ZBTB8B: variants seen among roughly 807,000 people sequenced by gnomAD.
The protein encoded by ZBTB8B is zinc finger and BTB domain-containing protein 8B.
Under a neutral mutation model 30.3 loss-of-function variants are expected in ZBTB8B, and 17 were observed. The ratio of observed to expected loss-of-function variants is 0.56; its 90% CI spans 0.38 to 0.84. ZBTB8B has a LOEUF of 0.84. ZBTB8B is among the 40% of genes least tolerant of loss of function. ZBTB8B has a pLI of 0.00. For missense variants in ZBTB8B, 515 were observed against 644.9 expected (o/e 0.80, Z 2.18); for synonymous variants, 248 against 255.6 (o/e 0.97, Z 0.28).
At position 32,472,455 on chromosome 1, in the gene ZBTB8B, G is replaced by A. The variant is rs145312774; in HGVS notation, c.991+840G>A. ...TCATCTTAGATTTCCTCTATGCTGG[G>A]AGGTCAGTTTTGTGTGGGGAGAATG... is the stretch of plus-strand genomic sequence containing the variant. On this transcript the variant is annotated intron_variant, in intron 2 of 3. Coordinates refer to ENST00000609129, the MANE Select transcript of ZBTB8B (RefSeq NM_001145720.2). 1.1e-3 allele frequency among the ~76,000 whole-genome samples: 171 copies of A among 152,298 alleles called. 1 individual carries two copies. The highest frequency in any genetic ancestry group is 3.9e-3 in the African/African-American group (164 of 41,564).
intron 3 of ZBTB8B, among the ~76,000 whole-genome samples, chr1:32,483,556 G>A (rs1643723271): frequency 6.6e-6 from 1 of 152,142 alleles, no homozygotes; most frequent in Non-Finnish European, 1.5e-5. Flanking sequence ...GAGGTGGGGG[G>A]ATGGGGGAAG....
chr1:32,485,071 G>T, intron 3 of ZBTB8B, 30 bp from the exon 4 acceptor site: 1 of 1,542,904 alleles, frequency 6.5e-7, no homozygotes, highest in South Asian at 1.2e-5. Flanking sequence ...CCTTTTCTGT[G>T]ACATCTACTG....
intron 1 of ZBTB8B, among the ~76,000 whole-genome samples, chr1:32,468,855 T>C (rs1488309316): frequency 1.0e-4 from 15 of 149,354 alleles, no homozygotes; most frequent in South Asian, 2.1e-4. Context: ...AGGGAGAATC[T>C]GTCTCAAAAA....
At position 32,471,510 on chromosome 1, in the gene ZBTB8B, G is replaced by A; in HGVS notation, c.886G>A (p.Ala296Thr). 6.4e-7 allele frequency: 1 copy of A among 1,551,838 alleles called. No individual in the cohort carries two copies. The highest frequency in any genetic ancestry group is 2.4e-5 in the East Asian group (1 of 40,928). Residue 296 changes from alanine (A) to threonine (T), a missense_variant, in exon 2 of 4, where the codon GCA becomes ACA. This residue lies in a region of ZBTB8B where 429 missense variants were observed against 504.3 expected (regional missense o/e 0.85). Transcript: ENST00000609129. ...RNSAAPSKDD[A>T]DHHFSRSLEG... Reference sequence around the variant, plus strand: ...CAGCGCTGCCCCGAGCAAGGATGATGCAGACCATCACTTTTCTAGGAGTTT... The same window carrying A: ...CAGCGCTGCCCCGAGCAAGGATGATACAGACCATCACTTTTCTAGGAGTTT...
At position 32,471,044 on chromosome 1, in the gene ZBTB8B, GGCAGCGGCGGCGGCTGCAGCGGCGGCA is replaced by G. The variant is rs930704503; in HGVS notation, c.432_458del (p.Ala145_Ala153del). Reference sequence around the variant, plus strand: ...CTGCTGTGGCTGCAGCAGTGGCGGCGGCAGCGGCGGCGGCTGCAGCGGCGGCAGCAGCGGCGGCTCATCAGGTTGACA... The same window carrying G: ...CTGCTGTGGCTGCAGCAGTGGCGGCGGCAGCGGCGGCTCATCAGGTTGACA... On this transcript the variant is annotated inframe_deletion, in exon 2 of 4. Transcript: ENST00000609129. 1.5e-5 allele frequency: 23 copies of G among 1,549,906 alleles called. No individual in the cohort carries two copies. Among genetic ancestry groups the G allele is most frequent in the African/African-American group, 4.1e-5 (3 of 72,968 alleles).
intron 2 of ZBTB8B, among the ~76,000 whole-genome samples, chr1:32,475,348 G>A (rs999120038): frequency 7.2e-5 from 11 of 152,140 alleles, no homozygotes; most frequent in African/African-American, 1.9e-4. Flanking sequence ...TTGGGAGGCC[G>A]AGGCAGGTGG....
chr1:32,478,569 G>A (rs1196919892), intron 2 of ZBTB8B, among the ~76,000 whole-genome samples: 1 of 152,156 alleles, frequency 6.6e-6, no homozygotes, highest in African/African-American at 2.4e-5. Context: ...GTACCAGTGT[G>A]AGCAGTCAGA....
chr1:32,466,098 A>G (rs1643568605), intron 1 of ZBTB8B, among the ~76,000 whole-genome samples: 1 of 152,210 alleles, frequency 6.6e-6, no homozygotes, highest in Non-Finnish European at 1.5e-5. Flanking sequence ...ACAGTGTTTT[A>G]TAAGGAATAG....
At chr1:32,474,146 C>T (rs549075299) in intron 2 of ZBTB8B, among the ~76,000 whole-genome samples, 11 of 151,756 alleles carry the variant, frequency 7.2e-5, no homozygotes, top group East Asian at 1.9e-4. Flanking sequence ...CCACTATGCC[C>T]GGCTTCAAAT....
rs760286488 is a variant in ZBTB8B at position 32,487,443 on chromosome 1, G to A, written c.*2025G>A. On this transcript the variant is annotated 3_prime_UTR_variant, in exon 4 of 4. Coordinates refer to ENST00000609129, the MANE Select transcript of ZBTB8B (RefSeq NM_001145720.2). ...CAGTTCAGTTCTGGTCAGCTAGAGGGCCACATGGTGCAGAGGTTGGATACC... is the reference window on the plus strand; with the variant it reads ...CAGTTCAGTTCTGGTCAGCTAGAGGACCACATGGTGCAGAGGTTGGATACC... 2 of 152,266 alleles carry A rather than the reference G, an allele frequency of 1.3e-5. No homozygotes were observed. The highest frequency in any genetic ancestry group is 4.8e-5 in the African/African-American group (2 of 41,464). The allele number at this position is 152,266 out of a possible 1,614,324, so 9.4% of individuals were successfully genotyped here.
In ZBTB8B at chr1:32,471,111, T is replaced by G; in HGVS notation, c.487T>G (p.Ser163Ala). 6.4e-7 allele frequency: 1 copy of G among 1,551,504 alleles called. No individual in the cohort carries two copies. Among genetic ancestry groups the G allele is most frequent in the Non-Finnish European group, 8.7e-7 (1 of 1,146,972 alleles). ...AHQVDSESPS[S>A]GREGTSCGTK... ...TCAGGTTGACAGTGAAAGCCCCAGTTCAGGCCGGGAGGGGACCTCCTGTGG... is the reference window on the plus strand; with the variant it reads ...TCAGGTTGACAGTGAAAGCCCCAGTGCAGGCCGGGAGGGGACCTCCTGTGG... The change falls in exon 2 of 4, where the codon TCA becomes GCA. Residue 163 changes from serine (S) to alanine (A), a missense_variant. Transcript: ENST00000609129.
rs1174263442 is a variant in ZBTB8B, at chr1:32,495,524, A to G, written c.*10106A>G. On this transcript the variant is annotated 3_prime_UTR_variant, in exon 4 of 4. Coordinates refer to ENST00000609129, the MANE Select transcript of ZBTB8B (RefSeq NM_001145720.2). ...TTTTGATTTATATACAGTCAGATTGAAACACCCTAGTTACAAGTTTAGAAT... is the reference window on the plus strand; with the variant it reads ...TTTTGATTTATATACAGTCAGATTGGAACACCCTAGTTACAAGTTTAGAAT... 6.6e-6 allele frequency: 1 copy of G among 152,210 alleles called. No individual in the cohort carries two copies. The highest frequency in any genetic ancestry group is 2.4e-5 in the African/African-American group (1 of 41,442). The allele number at this position is 152,210 out of a possible 1,614,324, so 9.4% of individuals were successfully genotyped here.
intron 3 of ZBTB8B, among the ~76,000 whole-genome samples, chr1:32,482,150 T>C (rs1643710134): frequency 6.6e-6 from 1 of 151,884 alleles, no homozygotes; most frequent in Admixed American, 6.6e-5. Flanking sequence ...GCTAACGTGT[T>C]TTTTTGTTGT....
intron 1 of ZBTB8B, among the ~76,000 whole-genome samples, chr1:32,467,329 GCCTCCA>G (rs1643579084): frequency 1.4e-5 from 2 of 146,016 alleles, no homozygotes; most frequent in Admixed American, 1.4e-4. Context: ...TGCAGCCTCC[GCCTCCA>G]CCGCCTCCTG....
intron 1 of ZBTB8B, 135 bp from the exon 2 acceptor site, chr1:32,470,448 CG>C: frequency 1.2e-6 from 1 of 806,450 alleles, no homozygotes; most frequent in Non-Finnish European, 1.8e-6. Context: ...TGCAGTGAGC[CG>C]AGATTGCGCC....
Position 32,486,635 on chromosome 1 carries a change from A to G in ZBTB8B, c.*1217A>G, listed in dbSNP as rs779148115. On this transcript the variant is annotated 3_prime_UTR_variant, in exon 4 of 4. Coordinates refer to ENST00000609129, the MANE Select transcript of ZBTB8B (RefSeq NM_001145720.2). ...GTGACTTCCAGGTGTTGCCATGGCA[A>G]TGGTAATTGACATGGCACAGTGATA... 2.6e-5 allele frequency: 4 copies of G among 152,154 alleles called. No individual in the cohort carries two copies. Among genetic ancestry groups the G allele is most frequent in the Non-Finnish European group, 4.4e-5 (3 of 68,034 alleles). The allele number at this position is 152,154 out of a possible 1,614,324, so 9.4% of individuals were successfully genotyped here.
intron 1 of ZBTB8B, among the ~76,000 whole-genome samples, chr1:32,469,597 C>G (rs899566210): frequency 2.2e-4 from 33 of 152,030 alleles, no homozygotes; most frequent in Admixed American, 4.6e-4. Context: ...ATAGTTTGAG[C>G]CTTGAAGAAA....
Position 32,470,745 on chromosome 1 carries a change from AT to A in ZBTB8B, c.125del (p.Leu42CysfsTer39), listed in dbSNP as rs1557680711. ...EGRIFKAHRNILFANSGYFRA... is the reference protein window; with the variant it reads ...EGRIFKAHRNXLFANSGYFRA... ...GCGGATCTTCAAGGCCCACAGGAACATTTTGTTTGCTAACAGCGGCTACTTC... is the reference window on the plus strand; with the variant it reads ...GCGGATCTTCAAGGCCCACAGGAACATTTGTTTGCTAACAGCGGCTACTTC... On this transcript the variant is annotated frameshift_variant, in exon 2 of 4. Coordinates refer to ENST00000609129, the MANE Select transcript of ZBTB8B (RefSeq NM_001145720.2). LOFTEE classifies it high-confidence loss of function. 2 of 1,551,820 alleles carry A rather than the reference AT, an allele frequency of 1.3e-6. No individual in the cohort carries two copies. Among genetic ancestry groups the A allele is most frequent in the Middle Eastern group, 1.7e-4 (1 of 5,992 alleles).
chr1:32,489,188 T>C lies in ZBTB8B; in HGVS notation c.*3770T>C, dbSNP rs907516206. ...TGAAGCGCTGAGGCCAGATGGTTCA[T>C]AGCTTGCCCAAGATCTGATTTAGGT... On this transcript the variant is annotated 3_prime_UTR_variant, in exon 4 of 4. Transcript: ENST00000609129. 2 of 151,276 alleles carry C rather than the reference T, an allele frequency of 1.3e-5. No individual in the cohort carries two copies. The highest frequency in any genetic ancestry group is 2.4e-5 in the African/African-American group (1 of 41,462). The allele number at this position is 151,276 out of a possible 1,614,324, so 9.4% of individuals were successfully genotyped here.
Sources: allele counts gnomAD v4.1 joint callset (sites outside exome capture counted in the v4.1 genomes callset), GRCh38; gene constraint gnomAD v4.1.1; regional missense constraint gnomAD v4.1.1; transcripts MANE v1.5; gene names NCBI Gene and HGNC (gene_info 2026-07-23, HGNC 2026-07-21).